Variants in NBAS observed in about 807,000 individuals in gnomAD.
NBAS encodes NBAS subunit of NRZ tethering complex.
A neutral mutation model predicts 302.5 loss-of-function variants in NBAS; 219 were observed. The observed-to-expected ratio is 0.72, with a 90% CI of 0.65 to 0.81. The LOEUF is 0.81. NBAS is among the 30% of genes least tolerant of loss of function. NBAS has a pLI of 0.00. For synonymous variants in NBAS, 1,118 were observed against 1,021.6 expected (o/e 1.09, Z -1.80); for missense variants, 2,932 against 2,841.6 (o/e 1.03, Z -0.72).
chr2:15,528,899 G>A (rs9653225), intron 9 of NBAS, among the ~76,000 whole-genome samples: 60,195 of 120,412 alleles, frequency 0.5, 16,322 homozygotes, highest in Non-Finnish European at 0.6. Context: ...ATATATATAT[G>A]TGTGTATATA....
chr2:15,028,365 C>T, the NBAS span, among the ~76,000 whole-genome samples: 334 of 152,260 alleles, frequency 2.2e-3, 1 homozygote, highest in Non-Finnish European at 2.9e-3. Flanking sequence ...GATTCTGACA[C>T]GTAACAAAAT....
the NBAS span, among the ~76,000 whole-genome samples, chr2:15,060,070 G>A: frequency 6.6e-6 from 1 of 151,584 alleles, no homozygotes. Context: ...TAGCTCTGCC[G>A]CCAGCATGCT....
chr2:15,148,110 G>T, the NBAS span, among the ~76,000 whole-genome samples: 1 of 152,200 alleles, frequency 6.6e-6, no homozygotes, highest in Non-Finnish European at 1.5e-5. Flanking sequence ...TTGGCAACCA[G>T]ACTGGGAGGA....
chr2:15,109,303 C>A, the NBAS span, among the ~76,000 whole-genome samples: 1 of 152,116 alleles, frequency 6.6e-6, no homozygotes, highest in African/African-American at 2.4e-5. Flanking sequence ...ATTAAAGCAG[C>A]AACAACCAAC....
chr2:15,142,120 G>C, the NBAS span, among the ~76,000 whole-genome samples: 156 of 152,308 alleles, frequency 1.0e-3, 1 homozygote, highest in African/African-American at 3.7e-3. Flanking sequence ...ACTTCAGAAC[G>C]ATGATATTCA....
intron 21 of NBAS, among the ~76,000 whole-genome samples, chr2:15,451,021 T>C (rs549066622): frequency 6.6e-6 from 1 of 151,380 alleles, no homozygotes; most frequent in East Asian, 1.9e-4. Context: ...AAAGGTAATT[T>C]AGCTTCATTC....
chr2:14,820,979 G>T, the NBAS span, among the ~76,000 whole-genome samples: 1 of 151,748 alleles, frequency 6.6e-6, no homozygotes, highest in Non-Finnish European at 1.5e-5. Flanking sequence ...GCCCAGGCTG[G>T]AGTGCAGTGG....
chr2:15,104,054 T>G, the NBAS span, among the ~76,000 whole-genome samples: 1 of 152,140 alleles, frequency 6.6e-6, no homozygotes, highest in Admixed American at 6.6e-5. Flanking sequence ...AATCCCCATG[T>G]GTCAAGGGTG....
chr2:15,254,510 G>A (rs141991198), intron 44 of NBAS, among the ~76,000 whole-genome samples: 1 of 152,252 alleles, frequency 6.6e-6, no homozygotes, highest in African/African-American at 2.4e-5. Context: ...CATGTCACAA[G>A]GTTCCCAGTG....
chr2:15,233,597 G>C (rs1667469492), intron 46 of NBAS, among the ~76,000 whole-genome samples: 1 of 152,012 alleles, frequency 6.6e-6, no homozygotes, highest in South Asian at 2.1e-4. Flanking sequence ...AGAGGACACT[G>C]GTTCATATAA....
At chr2:15,227,768 A>G (rs1667205928) in intron 47 of NBAS, among the ~76,000 whole-genome samples, 1 of 152,218 alleles carries the variant, frequency 6.6e-6, no homozygotes, top group African/African-American at 2.4e-5. Context: ...GTGCTGAGAA[A>G]ATTAGATAAC....
At chr2:15,069,870 C>T in the NBAS span, among the ~76,000 whole-genome samples, 1 of 152,076 alleles carries the variant, frequency 6.6e-6, no homozygotes, top group African/African-American at 2.4e-5. Context: ...GATAGCGAGG[C>T]AGGAAGGCAG....
At chr2:14,899,000 T>C in the NBAS span, among the ~76,000 whole-genome samples, 3 of 152,150 alleles carry the variant, frequency 2.0e-5, no homozygotes, top group African/African-American at 7.2e-5. Context: ...GGTGGCTAAA[T>C]GGGTCTCATC....
the NBAS span, among the ~76,000 whole-genome samples, chr2:14,819,925 T>C: frequency 6.6e-5 from 10 of 152,228 alleles, no homozygotes; most frequent in Admixed American, 2.0e-4. Context: ...CTCAACATCA[T>C]TGATCATCAG....
chr2:15,099,413 A>C, the NBAS span, among the ~76,000 whole-genome samples: 1,551 of 152,214 alleles, frequency 0.01, 23 homozygotes, highest in Middle Eastern at 0.034. Context: ...CAATGGACAT[A>C]TGTAATTTTT....
At chr2:14,797,765 T>A in the NBAS span, among the ~76,000 whole-genome samples, 1 of 151,726 alleles carries the variant, frequency 6.6e-6, no homozygotes, top group Non-Finnish European at 1.5e-5. Flanking sequence ...TTGGGATGAG[T>A]GGGCAGAGAA....
the NBAS span, among the ~76,000 whole-genome samples, chr2:15,138,177 G>A: frequency 2.0e-5 from 3 of 152,134 alleles, no homozygotes; most frequent in Non-Finnish European, 4.4e-5. Context: ...GGAAACAGTC[G>A]GGTGGACAGC....
the NBAS span, among the ~76,000 whole-genome samples, chr2:15,052,140 A>G: frequency 1.3e-5 from 2 of 152,220 alleles, no homozygotes; most frequent in Non-Finnish European, 2.9e-5. Flanking sequence ...ATCTAGCCCC[A>G]GCAACTAAGC....
chr2:15,077,918 G>A, the NBAS span, among the ~76,000 whole-genome samples: 1 of 152,082 alleles, frequency 6.6e-6, no homozygotes, highest in African/African-American at 2.4e-5. Flanking sequence ...TCCTGACCTT[G>A]TGATCTGCCC....
Sources: allele counts gnomAD v4.1 joint callset (sites outside exome capture counted in the v4.1 genomes callset), GRCh38; gene constraint gnomAD v4.1.1; transcripts MANE v1.5; gene names NCBI Gene and HGNC (gene_info 2026-07-23, HGNC 2026-07-21).